The following EPS8 variants were observed in gnomAD, a reference collection of about 807,000 sequenced individuals.
The protein encoded by EPS8 is EGFR pathway substrate 8, signaling adaptor.
Under a neutral mutation model 103.8 loss-of-function variants are expected in EPS8, and 42 were observed. That is an observed-to-expected ratio of 0.40 (90% CI 0.32 to 0.52). The LOEUF is 0.52. Ranked by LOEUF, EPS8 falls within the 20% of genes least tolerant of loss-of-function variation. EPS8 has a pLI of 0.40. For synonymous variants in EPS8, 344 were observed against 344.6 expected (o/e 1.00, Z 0.02); for missense variants, 969 against 1,005.1 (o/e 0.96, Z 0.49).
chr12:15,731,683 AT>A lies in EPS8; in HGVS notation c.-21-48712del, dbSNP rs1463168712. Among the ~76,000 whole-genome samples the A allele has an allele frequency of 2.6e-5, 4 of 152,240 alleles. No homozygotes were observed. Among genetic ancestry groups the A allele is most frequent in the Admixed American group, 1.3e-4 (2 of 15,278 alleles). ...CTAAAGTATTTTCTGAATAGAGAAG[AT>A]TTTTTTCTAGTATTCTTGCATAAAA... On this transcript the variant is annotated intron_variant, in intron 1 of 20. Coordinates refer to ENST00000281172, the MANE Select transcript of EPS8 (RefSeq NM_004447.6). This position sits in a 1 kb window ranked among gnomAD's most constrained non-coding sequence, Gnocchi z 5.1.
chr12:15,775,123 G>A (rs1352885999), intron 1 of EPS8, among the ~76,000 whole-genome samples: 1 of 152,080 alleles, frequency 6.6e-6, no homozygotes, highest in Non-Finnish European at 1.5e-5. Context: ...TTGCTTGCAA[G>A]TGAAATGCAA....
At position 15,650,968 on chromosome 12, in the gene EPS8, A is replaced by G. The variant is rs1322556700; in HGVS notation, c.1289T>C (p.Val430Ala). 2 of 1,614,008 alleles carry G rather than the reference A, an allele frequency of 1.2e-6. No homozygotes were observed. Among genetic ancestry groups the G allele is most frequent in the African/African-American group, 2.7e-5 (2 of 74,934 alleles). ...CTCCCAGCCATTGCGGAATCGTGGAACATATGGTGGAATAAACTGTTCTTT... is the reference window on the plus strand; with the variant it reads ...CTCCCAGCCATTGCGGAATCGTGGAGCATATGGTGGAATAAACTGTTCTTT... ...WPKEQFIPPY[V>A]PRFRNGWEPP... The change falls in exon 14 of 21, where the codon GTT becomes GCT. Residue 430 changes from valine (V) to alanine (A), a missense_variant. Val to Ala is a moderately conservative substitution (Grantham distance 64). Transcript: ENST00000281172.
At chr12:15,621,868 T>G (rs1944867209) in intron 20 of EPS8, among the ~76,000 whole-genome samples, 1 of 152,188 alleles carries the variant, frequency 6.6e-6, no homozygotes, top group Admixed American at 6.6e-5. Context: ...CATATAGTTC[T>G]GACCCTCCGA....
At chr12:15,737,551 A>G (rs1326195233) in intron 1 of EPS8, among the ~76,000 whole-genome samples, 2 of 152,134 alleles carry the variant, frequency 1.3e-5, no homozygotes, top group African/African-American at 4.8e-5. Context: ...CCTCACAATG[A>G]CCCTATGAGG....
At chr12:15,729,466 T>C (rs1946689470) in intron 1 of EPS8, among the ~76,000 whole-genome samples, 1 of 152,212 alleles carries the variant, frequency 6.6e-6, no homozygotes, top group Non-Finnish European at 1.5e-5. Context: ...TCTTATGGCT[T>C]CGGTTAGGGA....
In EPS8 at chr12:15,757,136, A is replaced by T. The variant is rs12227435; in HGVS notation, c.-22+32025T>A. Among the ~76,000 whole-genome samples, 11,343 of 152,228 alleles carry T rather than the reference A, an allele frequency of 0.075. 1,384 individuals are homozygous for T. Among genetic ancestry groups the T allele is most frequent in the African/African-American group, 0.25 (10,523 of 41,490 alleles). On this transcript the variant is annotated intron_variant, in intron 1 of 20. Transcript: ENST00000281172. The surrounding 1 kb of genome is among the most constrained non-coding windows in gnomAD (Gnocchi z 4.1). ...CCTAGTAACTGTAATAGAAACCTAG[A>T]AATATTTATTAAATCAAGCTACAAA...
intron 13 of EPS8, among the ~76,000 whole-genome samples, chr12:15,653,698 T>C (rs1229887964): frequency 3.3e-5 from 5 of 152,212 alleles, no homozygotes; most frequent in Non-Finnish European, 7.3e-5. Flanking sequence ...TGTGTGGCCT[T>C]GGGCAAATTA....
chr12:15,722,001 T>C (rs1946601651), intron 1 of EPS8, among the ~76,000 whole-genome samples: 1 of 151,682 alleles, frequency 6.6e-6, no homozygotes, highest in Admixed American at 6.6e-5. Flanking sequence ...GGCTACTGTC[T>C]GTCTGGTTTT....
intron 1 of EPS8, among the ~76,000 whole-genome samples, chr12:15,703,094 A>G (rs1462698881): frequency 6.6e-6 from 1 of 152,230 alleles, no homozygotes; most frequent in Non-Finnish European, 1.5e-5. Flanking sequence ...AGTTGCAGTG[A>G]GCCAAGATCA....
chr12:15,722,237 A>G (rs1476510895), intron 1 of EPS8, among the ~76,000 whole-genome samples: 1 of 151,996 alleles, frequency 6.6e-6, no homozygotes, highest in Admixed American at 6.6e-5. Context: ...GTTTTAAGAA[A>G]GTTTATGAAT....
At chr12:15,625,214 T>C (rs1400205415) in intron 18 of EPS8, among the ~76,000 whole-genome samples, 3 of 152,212 alleles carry the variant, frequency 2.0e-5, no homozygotes, top group African/African-American at 7.2e-5. Context: ...CTTCCTATTA[T>C]GTTATATAAG....
At chr12:15,689,215 C>T (rs1398446002) in intron 1 of EPS8, among the ~76,000 whole-genome samples, 2 of 151,578 alleles carry the variant, frequency 1.3e-5, no homozygotes, top group African/African-American at 4.9e-5. Flanking sequence ...GTTTTATTTG[C>T]TCGGATGTGC....
Position 15,749,031 on chromosome 12 carries a change from C to A in EPS8, c.-22+40130G>T, listed in dbSNP as rs929417437. 6.6e-6 allele frequency among the ~76,000 whole-genome samples: 1 copy of A among 152,042 alleles called. No individual in the cohort carries two copies. The highest frequency in any genetic ancestry group is 1.5e-5 in the Non-Finnish European group (1 of 68,018). On this transcript the variant is annotated intron_variant, in intron 1 of 20. Coordinates refer to ENST00000281172, the MANE Select transcript of EPS8 (RefSeq NM_004447.6). This position sits in a 1 kb window ranked among gnomAD's most constrained non-coding sequence, Gnocchi z 4.0. ...AACTGATGCTAGAGAGAACTTAAGG[C>A]CCTTTTAACTATTTTTGTCAAGATC...
chr12:15,757,590 A>T lies in EPS8; in HGVS notation c.-22+31571T>A, dbSNP rs894386774. 6.6e-6 allele frequency among the ~76,000 whole-genome samples: 1 copy of T among 152,046 alleles called. No homozygotes were observed. The highest frequency in any genetic ancestry group is 2.4e-5 in the African/African-American group (1 of 41,392). On this transcript the variant is annotated intron_variant, in intron 1 of 20. Transcript: ENST00000281172. This position sits in a 1 kb window ranked among gnomAD's most constrained non-coding sequence, Gnocchi z 4.1. ...AGTTGCAGTGAGTTGAGATCGCGCCACTGCACTCCAGCCTGGCAACAGAGC... is the reference window on the plus strand; with the variant it reads ...AGTTGCAGTGAGTTGAGATCGCGCCTCTGCACTCCAGCCTGGCAACAGAGC...
rs969062333 is a variant in EPS8 at position 15,704,774 on chromosome 12, A to G, written c.-21-21802T>C. 1.3e-5 allele frequency among the ~76,000 whole-genome samples: 2 copies of G among 152,174 alleles called. No homozygotes were observed. The highest frequency in any genetic ancestry group is 2.4e-5 in the African/African-American group (1 of 41,438). On this transcript the variant is annotated intron_variant, in intron 1 of 20. Transcript: ENST00000281172. This position sits in a 1 kb window ranked among gnomAD's most constrained non-coding sequence, Gnocchi z 4.6. ...AATAATTAGAGAAATCTGAGGAACA[A>G]ATGAACTACTGAATGTCTGTGAGCC...
intron 1 of EPS8, among the ~76,000 whole-genome samples, chr12:15,773,227 G>A (rs1479616372): frequency 1.3e-5 from 2 of 152,138 alleles, no homozygotes; most frequent in Non-Finnish European, 2.9e-5. Flanking sequence ...ATATAAGAGA[G>A]AGAAGAATCA....
intron 18 of EPS8, 138 bp downstream of exon 18, chr12:15,631,304 G>T: frequency 8.1e-7 from 1 of 1,227,330 alleles, no homozygotes; most frequent in Non-Finnish European, 1.1e-6. Context: ...GAGAAACCAG[G>T]TGAAAATCTT....
rs1946747514 is a variant in EPS8 at position 15,734,443 on chromosome 12, C to T, written c.-21-51471G>A. 6.6e-6 allele frequency among the ~76,000 whole-genome samples: 1 copy of T among 152,088 alleles called. No individual in the cohort carries two copies. The highest frequency in any genetic ancestry group is 2.1e-4 in the South Asian group (1 of 4,828). On this transcript the variant is annotated intron_variant, in intron 1 of 20. Coordinates refer to ENST00000281172, the MANE Select transcript of EPS8 (RefSeq NM_004447.6). The surrounding 1 kb of genome is among the most constrained non-coding windows in gnomAD (Gnocchi z 4.1). The stretch of plus-strand genomic sequence containing the variant: ...GGCACGGTGGCTCACACCTGTAATC[C>T]CAGCACTTTGGGAGGCTGAGGCGGG...
At position 15,631,424 on chromosome 12, in the gene EPS8, C is replaced by T. The variant is rs751131007; in HGVS notation, c.2044+18G>A. The T allele has an allele frequency of 3.7e-6, 6 of 1,609,166 alleles. No homozygotes were observed. The highest frequency in any genetic ancestry group is 5.1e-6 in the Non-Finnish European group (6 of 1,178,536). ...TTTAATTTGCAGAAGACATTTTTTGCCTCCCTGGGAAACTTACGGTCCACC... is the reference window on the plus strand; with the variant it reads ...TTTAATTTGCAGAAGACATTTTTTGTCTCCCTGGGAAACTTACGGTCCACC... On this transcript the variant is annotated intron_variant, in intron 18 of 20. Coordinates refer to ENST00000281172, the MANE Select transcript of EPS8 (RefSeq NM_004447.6).
Sources: gnomAD v4.1 joint callset for allele counts (sites outside exome capture counted in the v4.1 genomes callset) on GRCh38, gnomAD v4.1.1 for gene constraint, Gnocchi (gnomAD v3.1) non-coding constraint, MANE v1.5 for transcripts, NCBI Gene and HGNC (gene_info 2026-07-23, HGNC 2026-07-21) for gene names.